The following OR2L13 variants were observed in gnomAD, a reference collection of about 807,000 sequenced individuals.
OR2L13 encodes olfactory receptor 2L13.
Under a neutral mutation model 15.3 loss-of-function variants are expected in OR2L13, and 14 were observed. The observed-to-expected ratio is 0.91, with a 90% CI of 0.60 to 1.43. OR2L13 has a LOEUF of 1.43. Among genes scored for constraint, OR2L13 ranks in the 40% most tolerant of loss-of-function variants. OR2L13 has a pLI of 0.00. For missense variants in OR2L13, 367 were observed against 387.9 expected (o/e 0.95, Z 0.45); for synonymous variants, 152 against 142.9 (o/e 1.06, Z -0.45).
the OR2L13 span, among the ~76,000 whole-genome samples, chr1:248,075,026 C>A: frequency 6.6e-6 from 1 of 152,090 alleles, no homozygotes; most frequent in African/African-American, 2.4e-5. Flanking sequence ...TCCCCCAGAC[C>A]CCCAGCCCCT....
the OR2L13 span, chr1:247,949,440 G>A: frequency 1.4e-5 from 22 of 1,592,294 alleles, no homozygotes; most frequent in South Asian, 2.0e-4. Flanking sequence ...CTGGGTCTAT[G>A]AGGGCACAGT....
the OR2L13 span, among the ~76,000 whole-genome samples, chr1:247,988,710 C>T: frequency 2.0e-5 from 3 of 152,066 alleles, no homozygotes; most frequent in East Asian, 3.9e-4. Context: ...AGTGCAAAGT[C>T]GTCCACTGAT....
chr1:247,989,581 CA>C, the OR2L13 span, among the ~76,000 whole-genome samples: 1 of 152,076 alleles, frequency 6.6e-6, no homozygotes, highest in Non-Finnish European at 1.5e-5. Flanking sequence ...ATATTTCTCT[CA>C]CAAAATATAA....
chr1:248,023,185 G>T, the OR2L13 span: 1 of 199,164 alleles, frequency 5.0e-6, no homozygotes, highest in Non-Finnish European at 1.0e-5. Flanking sequence ...ATATCATTCA[G>T]CATAATAGTT....
At chr1:247,960,528 G>A in the OR2L13 span, among the ~76,000 whole-genome samples, 1 of 152,162 alleles carries the variant, frequency 6.6e-6, no homozygotes, top group Non-Finnish European at 1.5e-5. Context: ...GGTATGCCCT[G>A]CCCCCAGAGG....
At chr1:248,019,276 C>T in the OR2L13 span, among the ~76,000 whole-genome samples, 2 of 152,098 alleles carry the variant, frequency 1.3e-5, no homozygotes, top group African/African-American at 4.8e-5. Context: ...ACATATAATC[C>T]TATTGTAAGT....
At chr1:248,040,775 T>A in the OR2L13 span, 1 of 152,206 alleles carries the variant, frequency 6.6e-6, no homozygotes, top group African/African-American at 2.4e-5. Flanking sequence ...AGTTCAAAGT[T>A]AAATGCATAT....
the OR2L13 span, among the ~76,000 whole-genome samples, chr1:247,959,637 C>G: frequency 1.3e-5 from 2 of 151,982 alleles, no homozygotes; most frequent in Non-Finnish European, 2.9e-5. Context: ...AGGCTTTGTT[C>G]ATTTCTTTTT....
At chr1:247,968,211 T>C in the OR2L13 span, among the ~76,000 whole-genome samples, 2 of 152,202 alleles carry the variant, frequency 1.3e-5, no homozygotes, top group Admixed American at 1.3e-4. Flanking sequence ...CTTTTATAGA[T>C]AATTAAACTG....
the OR2L13 span, among the ~76,000 whole-genome samples, chr1:247,943,051 A>G: frequency 1.3e-5 from 2 of 152,140 alleles, no homozygotes; most frequent in African/African-American, 4.8e-5. Context: ...ATGCGTCAAA[A>G]TGTCTTCTCT....
At chr1:248,020,690 C>A in the OR2L13 span, among the ~76,000 whole-genome samples, 4 of 152,086 alleles carry the variant, frequency 2.6e-5, no homozygotes, top group Admixed American at 2.6e-4. Context: ...AATAATAATT[C>A]ATTCTACATT....
the OR2L13 span, chr1:248,022,407 A>G: frequency 5.9e-5 from 95 of 1,614,036 alleles, no homozygotes; most frequent in Admixed American, 6.3e-4. Context: ...AGGCTCCATC[A>G]ACTCTTGTGC....
chr1:247,956,225 G>C, the OR2L13 span, among the ~76,000 whole-genome samples: 13 of 151,810 alleles, frequency 8.6e-5, no homozygotes, highest in South Asian at 2.1e-4. Flanking sequence ...GCTTGTTTTT[G>C]TCAGGATTGT....
the OR2L13 span, among the ~76,000 whole-genome samples, chr1:248,064,343 G>A: frequency 0.13 from 19,220 of 152,022 alleles, 4,051 homozygotes; most frequent in African/African-American, 0.44. Context: ...CTAGGGTGTC[G>A]TAGAAGCCAT....
the OR2L13 span, among the ~76,000 whole-genome samples, chr1:247,987,075 T>C: frequency 6.6e-6 from 1 of 151,506 alleles, no homozygotes; most frequent in Non-Finnish European, 1.5e-5. Flanking sequence ...GTAAATAAAA[T>C]CACAATCTCT....
chr1:248,068,521 G>C, the OR2L13 span, among the ~76,000 whole-genome samples: 1 of 151,962 alleles, frequency 6.6e-6, no homozygotes, highest in South Asian at 2.1e-4. Context: ...CAAAGACAAA[G>C]ATGGGGAAAA....
the OR2L13 span, chr1:248,039,114 A>T: frequency 1.2e-6 from 2 of 1,614,046 alleles, no homozygotes; most frequent in Non-Finnish European, 8.5e-7. Context: ...CCTCACCCCA[A>T]TGCTCAACCC....
At chr1:248,099,758 C>T in exon 3 of OR2L13, 1 of 1,614,110 alleles carries the variant, frequency 6.2e-7, no homozygotes, top group Non-Finnish European at 8.5e-7. Flanking sequence ...ATCTGCCACT[C>T]TCTCTATTAT....
chr1:248,034,160 C>T, the OR2L13 span, among the ~76,000 whole-genome samples: 3 of 152,044 alleles, frequency 2.0e-5, no homozygotes, highest in Non-Finnish European at 2.9e-5. Flanking sequence ...AAATCATAGA[C>T]GAAACAAACC....
Sources: allele counts gnomAD v4.1 joint callset (sites outside exome capture counted in the v4.1 genomes callset), GRCh38; gene constraint gnomAD v4.1.1; transcripts MANE v1.5; gene names NCBI Gene and HGNC (gene_info 2026-07-23, HGNC 2026-07-21).